ATAD5: variants seen among roughly 807,000 people sequenced by gnomAD.
The protein encoded by ATAD5 is ATPase family AAA domain containing 5.
A neutral mutation model predicts 176.9 loss-of-function variants in ATAD5; 58 were observed. The ratio of observed to expected loss-of-function variants is 0.33; its 90% confidence interval spans 0.27 to 0.41. The LOEUF (loss-of-function observed/expected upper bound fraction) is 0.41, where lower values mean the gene tolerates loss of function less well. Among genes scored for constraint, ATAD5 ranks in the 10% least tolerant of loss-of-function variants. ATAD5 has a pLI of 1.00. For missense variants in ATAD5, 1,789 were observed against 2,094.1 expected (o/e 0.85, Z 2.84); for synonymous variants, 640 against 712.6 (o/e 0.90, Z 1.62).
At chr17:30,875,518 TG>T (rs1371527535) in intron 14 of ATAD5, among the ~76,000 whole-genome samples, 2 of 152,024 alleles carry the variant, frequency 1.3e-5, no homozygotes, top group Admixed American at 1.3e-4. Context: ...TATTTCTGGC[TG>T]GGTACAGGGG....
At chr17:30,871,601 T>A (rs548286830) in intron 14 of ATAD5, among the ~76,000 whole-genome samples, 2 of 152,026 alleles carry the variant, frequency 1.3e-5, no homozygotes, top group Admixed American at 1.3e-4. Flanking sequence ...CCACCCCCCA[T>A]GGCCTCCCAA....
Position 30,834,376 on chromosome 17 carries a change from AC to A in ATAD5, c.296del (p.Thr99ArgfsTer10). On this transcript the variant is annotated frameshift_variant, in exon 2 of 23. Coordinates refer to ENST00000321990, the MANE Select transcript of ATAD5 (RefSeq NM_024857.5). LOFTEE classifies it high-confidence loss of function. ...SVPVDSNKDC[T>X]TPLEMFSNVE... The stretch of plus-strand genomic sequence containing the variant: ...ACCTGTTGACAGCAACAAAGACTGT[AC>A]GACACCTTTGGAAATGTTCTCAAAT... 6.2e-7 allele frequency: 1 copy of A among 1,606,658 alleles called. No individual in the cohort carries two copies. The highest frequency in any genetic ancestry group is 8.5e-7 in the Non-Finnish European group (1 of 1,177,520).
chr17:30,877,563 A>C lies in ATAD5; in HGVS notation c.3918+14A>C, dbSNP rs556042059. On this transcript the variant is annotated intron_variant, in intron 16 of 22. Coordinates refer to ENST00000321990, the MANE Select transcript of ATAD5 (RefSeq NM_024857.5). ...CTTTTTGAGGAGGTAGGCTTATAGA[A>C]GTATACATTTGTGAGAGCTCATGAT... 4 of 1,597,336 alleles carry C rather than the reference A, an allele frequency of 2.5e-6. No homozygotes were observed. The South Asian group carries it at 4.6e-5, about 18-fold the overall frequency.
chr17:30,835,104 A>T lies in ATAD5; in HGVS notation c.1023A>T (p.Arg341=). ...IPPKKTGKIP[R]IFLKQKQFEM... is the part of the protein sequence containing the mutation. ...CCAAAAAGACAGGGAAAATACCCCG[A>T]ATTTTCTTGAAACAAAAGCAATTTG... Residue 341 remains arginine, a synonymous_variant, in exon 2 of 23, where the codon CGA becomes CGT. Transcript: ENST00000321990. 4 of 1,614,152 alleles carry T rather than the reference A, an allele frequency of 2.5e-6. No individual in the cohort carries two copies. Among genetic ancestry groups the T allele is most frequent in the Non-Finnish European group, 3.4e-6 (4 of 1,180,002 alleles).
chr17:30,865,806 TA>T lies in ATAD5; in HGVS notation c.3233+10del. 6.6e-7 allele frequency: 1 copy of T among 1,504,354 alleles called. No individual in the cohort carries two copies. Among genetic ancestry groups the T allele is most frequent in the South Asian group, 1.3e-5 (1 of 79,854 alleles). 93.2% of individuals were successfully genotyped at this position (1,504,354 alleles called of 1,614,324 possible). A position where few individuals can be genotyped will look rare whatever the true frequency, so the allele number is the denominator to read the frequency against. ...GCTATAAAAAAGTTACATAGGTTGG[TA>T]AAATGTGTAAGGAATTGAGAAATAG... On this transcript the variant is annotated splice_region_variant and intron_variant, in intron 11 of 22. Transcript: ENST00000321990.
intron 6 of ATAD5, among the ~76,000 whole-genome samples, chr17:30,854,369 A>ATTTTT (rs11445925): frequency 4.1e-5 from 5 of 121,008 alleles, no homozygotes; most frequent in Non-Finnish European, 4.8e-5. Flanking sequence ...ATTAATTTAA[A>ATTTTT]TTTTTTTTTT....
At chr17:30,854,526 C>T (rs1316300911) in intron 6 of ATAD5, among the ~76,000 whole-genome samples, 1 of 151,340 alleles carries the variant, frequency 6.6e-6, no homozygotes, top group Non-Finnish European at 1.5e-5. Context: ...CACCCGCCAC[C>T]ATGCCCGGCT....
rs71142005 is a variant in ATAD5, at chr17:30,878,718, GTTTTTTTTTTTTTTT to G, written c.4012+638_4012+652del. ...TCTTATTAATCAGAAGTTAGGTGGT[GTTTTTTTTTTTTTTT>G]TTTTTTTTTTTTTTTGGAGACAGAG... is the stretch of plus-strand genomic sequence containing the variant. On this transcript the variant is annotated intron_variant, in intron 17 of 22. Coordinates refer to ENST00000321990, the MANE Select transcript of ATAD5 (RefSeq NM_024857.5). Among the ~76,000 whole-genome samples the G allele has an allele frequency of 1.9e-3, 109 of 56,878 alleles. 1 individual carries two copies. Among genetic ancestry groups the G allele is most frequent in the African/African-American group, 6.5e-3 (98 of 15,116 alleles). The allele number at this position is 56,878 out of a possible 152,430, so 37.3% of individuals were successfully genotyped here.
chr17:30,874,817 G>C (rs1908569706), intron 14 of ATAD5, among the ~76,000 whole-genome samples: 1 of 151,490 alleles, frequency 6.6e-6, no homozygotes, highest in African/African-American at 2.4e-5. Flanking sequence ...TTTTAGTAGA[G>C]ACACGGTTTC....
In ATAD5 at chr17:30,832,031, C is replaced by T. The variant is rs1316542477; in HGVS notation, c.-317C>T. ...CTCCGAAGCTCTGTGGTCCGATCTG[C>T]GGTCCGCTTGCTTTCCCTGCCCGGT... is the stretch of plus-strand genomic sequence containing the variant. On this transcript the variant is annotated 5_prime_UTR_variant, in exon 1 of 23. Transcript: ENST00000321990. 1.9e-5 allele frequency: 7 copies of T among 372,036 alleles called. No homozygotes were observed. Among genetic ancestry groups the T allele is most frequent in the Non-Finnish European group, 3.3e-5 (7 of 209,800 alleles). 23.0% of individuals were successfully genotyped at this position (372,036 alleles called of 1,614,324 possible).
chr17:30,861,055 G>C (rs574856129), intron 10 of ATAD5, among the ~76,000 whole-genome samples: 61 of 151,708 alleles, frequency 4.0e-4, no homozygotes, highest in African/African-American at 1.3e-3. Context: ...CACCCACCTC[G>C]GCCTCCCAAA....
intron 18 of ATAD5, among the ~76,000 whole-genome samples, chr17:30,884,139 A>G (rs1466740339): frequency 6.6e-6 from 1 of 150,634 alleles, no homozygotes; most frequent in Admixed American, 6.6e-5. Context: ...AAATGGAATC[A>G]TACTGATTTG....
At chr17:30,837,439 T>G (rs1905814410) in intron 3 of ATAD5, 125 bp downstream of exon 3, 2 of 651,160 alleles carry the variant, frequency 3.1e-6, no homozygotes, top group Admixed American at 2.9e-5. Context: ...ATAAATTGGT[T>G]AACTACAACC....
chr17:30,851,073 G>C (rs2142348021), intron 6 of ATAD5, among the ~76,000 whole-genome samples: 1 of 144,146 alleles, frequency 6.9e-6, no homozygotes, highest in Middle Eastern at 3.5e-3. Flanking sequence ...ATTTTTAGTA[G>C]AGATGGGGTT....
At chr17:30,865,333 C>T (rs1315077478) in intron 10 of ATAD5, among the ~76,000 whole-genome samples, 7 of 152,010 alleles carry the variant, frequency 4.6e-5, no homozygotes, top group African/African-American at 1.4e-4. Context: ...CCACCACGCC[C>T]GGCTAATTTT....
rs1437862422 is a variant in ATAD5 at position 30,832,007 on chromosome 17, T to C, written c.-341T>C. ...GAAAACCCAATTGACAAGAATTCCC[T>C]CCGAAGCTCTGTGGTCCGATCTGCG... On this transcript the variant is annotated 5_prime_UTR_variant, in exon 1 of 23. Transcript: ENST00000321990. 6.2e-5 allele frequency: 22 copies of C among 356,278 alleles called. No individual in the cohort carries two copies. The highest frequency in any genetic ancestry group is 8.5e-5 in the Non-Finnish European group (17 of 199,700). The allele number at this position is 356,278 out of a possible 1,614,324, so 22.1% of individuals were successfully genotyped here.
At chr17:30,833,184 T>C (rs1439735523) in intron 1 of ATAD5, among the ~76,000 whole-genome samples, 2 of 150,718 alleles carry the variant, frequency 1.3e-5, no homozygotes, top group Admixed American at 1.3e-4. Context: ...GTTTTTGTTT[T>C]TGTTTTTTTT....
chr17:30,891,095 AT>A (rs1473984780), intron 19 of ATAD5, among the ~76,000 whole-genome samples: 5 of 152,180 alleles, frequency 3.3e-5, no homozygotes, highest in African/African-American at 1.2e-4. Context: ...TGTAATATTG[AT>A]GGAGAGAATT....
rs1002209143 is a variant in ATAD5, at chr17:30,894,088, T to G, written c.5235T>G (p.Leu1745=). The G allele has an allele frequency of 1.1e-5, 17 of 1,604,076 alleles. No individual in the cohort carries two copies. Among genetic ancestry groups the G allele is most frequent in the Non-Finnish European group, 1.4e-5 (16 of 1,173,462 alleles). The part of the protein sequence containing the change: ...KKLGRDPTND[L]TFYVSQKRNN... Reference sequence around the variant, plus strand: ...TAGGAAGAGATCCAACCAACGATCTTACTTTTTATGTTTCACAAAAGCGCA... The same window carrying G: ...TAGGAAGAGATCCAACCAACGATCTGACTTTTTATGTTTCACAAAAGCGCA... Residue 1745 remains leucine (L), a synonymous_variant, in exon 21 of 23, where the codon CTT becomes CTG. Transcript: ENST00000321990.
Sources: gnomAD v4.1 joint callset for allele counts (sites outside exome capture counted in the v4.1 genomes callset) on GRCh38, gnomAD v4.1.1 for gene constraint, MANE v1.5 for transcripts, NCBI Gene and HGNC (gene_info 2026-07-23, HGNC 2026-07-21) for gene names.